HNRNPA3: variants seen among roughly 807,000 people sequenced by gnomAD.
The protein encoded by HNRNPA3 is heterogeneous nuclear ribonucleoprotein A3.
A neutral mutation model predicts 45.8 loss-of-function variants in HNRNPA3; 3 were observed. The ratio of observed to expected loss-of-function variants is 0.07; its 90% CI spans 0.03 to 0.17. HNRNPA3 has a LOEUF of 0.17. Ranked by LOEUF, HNRNPA3 falls within the 10% of genes least tolerant of loss-of-function variation. The pLI, the probability that HNRNPA3 is intolerant of heterozygous loss-of-function variation, is 1.00. For synonymous variants in HNRNPA3, 170 were observed against 155.6 expected (o/e 1.09, Z -0.69); for missense variants, 183 against 480.3 (o/e 0.38, Z 5.79).
At chr2:177,223,884 TC>T (rs1462621023), downstream of HNRNPA3, 2 of 152,238 alleles carry the variant, frequency 1.3e-5, no homozygotes, top group African/African-American at 4.8e-5. Context: ...TTCACAATGT[TC>T]ATGTGACTTA....
intron 3 of HNRNPA3, 24 bp from the exon 4 acceptor site, chr2:177,215,954 C>G (rs972111327): frequency 1.9e-6 from 3 of 1,597,618 alleles, no homozygotes; most frequent in South Asian, 1.1e-5. Flanking sequence ...TGTTTCTTGA[C>G]TTAATATATT....
chr2:177,217,206 AC>A (rs1396711809), intron 7 of HNRNPA3, among the ~76,000 whole-genome samples: 1 of 140,610 alleles, frequency 7.1e-6, no homozygotes. Flanking sequence ...TAAAATGAAA[AC>A]TGATTTTCTT....
downstream of HNRNPA3, chr2:177,220,170 T>C (rs1418696431): frequency 1.3e-5 from 2 of 152,682 alleles, no homozygotes; most frequent in Non-Finnish European, 2.9e-5. Flanking sequence ...AATGTAATCA[T>C]ATGATTTTAG....
downstream of HNRNPA3, chr2:177,222,907 G>A (rs1322067865): frequency 3.3e-5 from 5 of 152,400 alleles, no homozygotes; most frequent in Admixed American, 2.0e-4. Flanking sequence ...TTTTGTTTTG[G>A]TTCATCTGTT....
chr2:177,217,878 A>G (rs1341740576), intron 8 of HNRNPA3, 33 bp downstream of exon 8: 6 of 1,523,682 alleles, frequency 3.9e-6, no homozygotes, highest in Admixed American at 4.3e-5. Context: ...TAAATGTTAA[A>G]TATTCAGTGT....
In HNRNPA3 at chr2:177,218,997, T is replaced by A. The variant is rs767032657; in HGVS notation, c.962-40T>A. 8.1e-6 allele frequency: 13 copies of A among 1,602,408 alleles called. No homozygotes were observed. In the East Asian group the frequency reaches 2.9e-4, roughly 36 times the overall value. On this transcript the variant is annotated intron_variant, in intron 8 of 10. Transcript: ENST00000392524. The stretch of plus-strand genomic sequence containing the variant: ...ATACGTTAAAAGGGGAAAATGATGA[T>A]TGTGTAGGTAAACCACACATAAAAC...
At chr2:177,220,201 C>T (rs545417248), downstream of HNRNPA3, 4 of 152,660 alleles carry the variant, frequency 2.6e-5, no homozygotes, top group East Asian at 7.7e-4. Flanking sequence ...TTGCTGAGTC[C>T]TAGCTGTGTT....
downstream of HNRNPA3, chr2:177,222,529 C>G (rs1689227443): frequency 6.6e-6 from 1 of 152,338 alleles, no homozygotes; most frequent in African/African-American, 2.4e-5. Flanking sequence ...TTACCAGGGC[C>G]AGGCACAGTG....
intron 9 of HNRNPA3, 32 bp downstream of exon 9, chr2:177,219,191 C>G (rs756269289): frequency 1.9e-6 from 3 of 1,610,126 alleles, no homozygotes; most frequent in South Asian, 2.2e-5. Context: ...TTCTTTAGAG[C>G]CTTTTTAATT....
intron 7 of HNRNPA3, 65 bp from the exon 8 acceptor site, chr2:177,217,640 A>G: frequency 6.3e-7 from 1 of 1,591,912 alleles, no homozygotes; most frequent in Non-Finnish European, 8.6e-7. Context: ...CACACACACC[A>G]GAATTGAATA....
downstream of HNRNPA3, chr2:177,223,354 T>C (rs1689270968): frequency 6.6e-6 from 1 of 152,102 alleles, no homozygotes; most frequent in South Asian, 2.1e-4. Flanking sequence ...AGTTCCATTG[T>C]CGTTTCTGAA....
chr2:177,223,351 T>C (rs1689270815), downstream of HNRNPA3: 1 of 152,128 alleles, frequency 6.6e-6, no homozygotes. Context: ...AACAGTTCCA[T>C]TGTCGTTTCT....
At chr2:177,218,891 C>T in intron 8 of HNRNPA3, 146 bp from the exon 9 acceptor site, 2 of 907,554 alleles carry the variant, frequency 2.2e-6, no homozygotes, top group South Asian at 3.7e-5. Context: ...TTTTAATATC[C>T]TGACATCAGT....
At chr2:177,213,179 C>T (rs1456344173) in intron 1 of HNRNPA3, among the ~76,000 whole-genome samples, 1 of 137,246 alleles carries the variant, frequency 7.3e-6, no homozygotes, top group African/African-American at 2.7e-5. Context: ...CGGGCCCCGG[C>T]GGGAGCGGTT....
intron 1 of HNRNPA3, among the ~76,000 whole-genome samples, chr2:177,213,198 G>A (rs1340837029): frequency 1.3e-5 from 2 of 152,080 alleles, no homozygotes; most frequent in Non-Finnish European, 2.9e-5. Flanking sequence ...TTGGGAGGAG[G>A]TGGTGGGGGA....
At chr2:177,217,627 T>C (rs1375584923) in intron 7 of HNRNPA3, 78 bp from the exon 8 acceptor site, 15 of 1,568,918 alleles carry the variant, frequency 9.6e-6, no homozygotes, top group Admixed American at 5.0e-5. Flanking sequence ...ACCCAGTCTC[T>C]TACACACACA....
At chr2:177,216,552 C>A in exon 5 of HNRNPA3, 1 of 1,613,912 alleles carries the variant, frequency 6.2e-7, no homozygotes, top group East Asian at 2.2e-5. Flanking sequence ...TGAAAAAGGC[C>A]CTTTCTAAAC....
chr2:177,213,180 G>A (rs1370182604), intron 1 of HNRNPA3, among the ~76,000 whole-genome samples: 2 of 152,060 alleles, frequency 1.3e-5, no homozygotes, highest in Non-Finnish European at 2.9e-5. Flanking sequence ...GGGCCCCGGC[G>A]GGAGCGGTTG....
intron 1 of HNRNPA3, among the ~76,000 whole-genome samples, chr2:177,215,169 C>A (rs189720049): frequency 6.6e-6 from 1 of 152,058 alleles, no homozygotes; most frequent in African/African-American, 2.4e-5. Flanking sequence ...ATGACATGAT[C>A]TTGGCTCACC....
Sources: allele counts gnomAD v4.1 joint callset (sites outside exome capture counted in the v4.1 genomes callset), GRCh38; gene constraint gnomAD v4.1.1; transcripts MANE v1.5; gene names NCBI Gene and HGNC (gene_info 2026-07-23, HGNC 2026-07-21).